Variants in TENM3 observed in about 807,000 individuals in gnomAD.
TENM3 encodes the protein teneurin-3.
A neutral mutation model predicts 255.1 loss-of-function variants in TENM3; 63 were observed. The observed-to-expected ratio is 0.25, with a 90% CI of 0.20 to 0.30. The LOEUF (loss-of-function observed/expected upper bound fraction) is 0.30, where lower values mean the gene tolerates loss of function less well. TENM3 is among the 10% of genes least tolerant of loss of function. The pLI is 1.00. For missense variants in TENM3, 2,929 were observed against 3,461.1 expected (o/e 0.85, Z 3.86); for synonymous variants, 1,306 against 1,322.3 (o/e 0.99, Z 0.27).
At chr4:181,454,471 A>G in the TENM3 span, among the ~76,000 whole-genome samples, 1 of 152,108 alleles carries the variant, frequency 6.6e-6, no homozygotes, top group Non-Finnish European at 1.5e-5. Context: ...TACAATGTTA[A>G]TAAAGTCTAC....
the TENM3 span, among the ~76,000 whole-genome samples, chr4:181,608,479 G>C: frequency 2.0e-5 from 3 of 152,124 alleles, no homozygotes; most frequent in East Asian, 5.8e-4. Flanking sequence ...TGATTGCTTT[G>C]GAGTTCCAGC....
At chr4:182,165,901 G>A (rs957405430) in intron 1 of TENM3, among the ~76,000 whole-genome samples, 3 of 151,990 alleles carry the variant, frequency 2.0e-5, no homozygotes, top group Non-Finnish European at 4.4e-5. Context: ...TCAGCTTCTC[G>A]ACGAGTAGCT....
At chr4:182,642,393 C>T (rs917852686) in intron 5 of TENM3, among the ~76,000 whole-genome samples, 5 of 152,078 alleles carry the variant, frequency 3.3e-5, no homozygotes, top group African/African-American at 7.2e-5. Context: ...TTTCCTGAGC[C>T]GCATCCATAG....
chr4:181,767,056 T>C, the TENM3 span, among the ~76,000 whole-genome samples: 1 of 136,934 alleles, frequency 7.3e-6, no homozygotes, highest in South Asian at 2.4e-4. Flanking sequence ...ATCAAGACCA[T>C]TCTGGCTAAC....
chr4:182,786,522 A>G (rs1765665917), intron 24 of TENM3, among the ~76,000 whole-genome samples: 3 of 148,804 alleles, frequency 2.0e-5, no homozygotes, highest in South Asian at 4.3e-4. Context: ...GCACCACTGC[A>G]CTCCAGCCTG....
At chr4:181,852,887 T>C in the TENM3 span, among the ~76,000 whole-genome samples, 2 of 152,214 alleles carry the variant, frequency 1.3e-5, no homozygotes, top group Non-Finnish European at 2.9e-5. Flanking sequence ...ACTGTGAACG[T>C]ACTTAACGCC....
At position 182,729,181 on chromosome 4, in the gene TENM3, G is replaced by A. The variant is rs757433932; in HGVS notation, c.2585G>A (p.Ser862Asn). 1 of 1,608,514 alleles carries A rather than the reference G, an allele frequency of 6.2e-7. No homozygotes were observed. Among genetic ancestry groups the A allele is most frequent in the Middle Eastern group, 1.7e-4 (1 of 6,048 alleles). ...VIPGESPFNK[S>N]LASVIRGQVL... ...CCTGGAGAAAGTCCTTTCAATAAGAGGTTAATGCTTCTTTTCCATATGTAG... is the reference window on the plus strand; with the variant it reads ...CCTGGAGAAAGTCCTTTCAATAAGAAGTTAATGCTTCTTTTCCATATGTAG... Residue 862 changes from serine to asparagine, a missense_variant and splice_region_variant, in exon 14 of 28, where the codon AGC (serine) becomes AAC (asparagine). Ser to Asn is a conservative substitution (Grantham distance 46). Around this residue, in one of 6 missense-constraint regions of TENM3, gnomAD observed 1,608 missense variants for 1,884.4 expected, o/e 0.85. Transcript: ENST00000511685.
chr4:182,764,495 C>T (rs78524527), intron 22 of TENM3, among the ~76,000 whole-genome samples: 33,636 of 152,104 alleles, frequency 0.22, 3,984 homozygotes, highest in South Asian at 0.32. Flanking sequence ...CGATTGAGAA[C>T]TGGGGACAGG....
chr4:182,786,148 G>A (rs979625115), intron 24 of TENM3, among the ~76,000 whole-genome samples: 1 of 152,138 alleles, frequency 6.6e-6, no homozygotes, highest in Non-Finnish European at 1.5e-5. Flanking sequence ...CTGTCCAGAT[G>A]CTGGGTCTCA....
intron 2 of TENM3, among the ~76,000 whole-genome samples, chr4:182,337,805 A>G (rs1764237390): frequency 6.6e-6 from 1 of 152,230 alleles, no homozygotes; most frequent in South Asian, 2.1e-4. Context: ...AGTTGGCAAC[A>G]CAAAAGAGTG....
the TENM3 span, among the ~76,000 whole-genome samples, chr4:181,611,215 C>T: frequency 6.6e-6 from 1 of 152,158 alleles, no homozygotes; most frequent in Non-Finnish European, 1.5e-5. Context: ...TGGTTTTCTC[C>T]GTTATCTATG....
rs1738607746 is a variant in TENM3, at chr4:182,521,831, TTTTTTCCTTG to T, written c.512-79085_512-79076del. On this transcript the variant is annotated intron_variant, in intron 3 of 27. Coordinates refer to ENST00000511685, the MANE Select transcript of TENM3 (RefSeq NM_001080477.4). The stretch of plus-strand genomic sequence containing the variant: ...CAGGAACGTTATAGTCCATGACAGT[TTTTTTCCTTG>T]TTTTTCCCTGATTCGTTAGAGTCAA... 7.2e-5 allele frequency among the ~76,000 whole-genome samples: 11 copies of T among 152,308 alleles called. No homozygotes were observed. The South Asian group carries it at 2.3e-3, about 32-fold the overall frequency.
intron 1 of TENM3, among the ~76,000 whole-genome samples, chr4:182,275,175 G>A (rs145042602): frequency 6.8e-4 from 104 of 152,130 alleles, no homozygotes; most frequent in African/African-American, 2.4e-3. Context: ...TTTTATTGTC[G>A]TCTCGTGTAA....
intron 5 of TENM3, among the ~76,000 whole-genome samples, chr4:182,631,259 C>T (rs1751338386): frequency 6.6e-6 from 1 of 152,040 alleles, no homozygotes; most frequent in Admixed American, 6.6e-5. Flanking sequence ...TTGTTTTGAT[C>T]TAGTTATTGT....
At chr4:181,796,999 C>T in the TENM3 span, among the ~76,000 whole-genome samples, 6 of 152,096 alleles carry the variant, frequency 3.9e-5, no homozygotes, top group Admixed American at 6.5e-5. Context: ...TTTCAGACGG[C>T]AAAGAGGGAG....
chr4:182,088,208 A>G, the TENM3 span, among the ~76,000 whole-genome samples: 1 of 152,232 alleles, frequency 6.6e-6, no homozygotes, highest in Non-Finnish European at 1.5e-5. Context: ...TTTAAATCTT[A>G]TATTTACAAA....
At chr4:181,556,775 A>C in the TENM3 span, among the ~76,000 whole-genome samples, 1 of 152,114 alleles carries the variant, frequency 6.6e-6, no homozygotes, top group Non-Finnish European at 1.5e-5. Context: ...TTATCATGAG[A>C]TTTCATAACA....
the TENM3 span, among the ~76,000 whole-genome samples, chr4:181,539,272 G>A: frequency 6.6e-6 from 1 of 152,058 alleles, no homozygotes; most frequent in Non-Finnish European, 1.5e-5. Flanking sequence ...TTACCCAAAG[G>A]TTCTTCAACT....
the TENM3 span, among the ~76,000 whole-genome samples, chr4:182,078,538 CA>C: frequency 0.041 from 6,246 of 151,928 alleles, 441 homozygotes; most frequent in African/African-American, 0.14. Flanking sequence ...AAAACAAAAA[CA>C]AAAAAACAAA....
Sources: gnomAD v4.1 joint callset for allele counts (sites outside exome capture counted in the v4.1 genomes callset) on GRCh38, gnomAD v4.1.1 for gene constraint, gnomAD v4.1.1 regional missense constraint, MANE v1.5 for transcripts, NCBI Gene and HGNC (gene_info 2026-07-23, HGNC 2026-07-21) for gene names.